Variants in GAS7 observed in about 807,000 individuals in gnomAD.
GAS7 encodes growth arrest specific 7.
Under a neutral mutation model 71.1 loss-of-function variants are expected in GAS7, and 28 were observed. That is an observed-to-expected ratio of 0.39 (90% CI 0.29 to 0.54). The LOEUF (loss-of-function observed/expected upper bound fraction) is 0.54. Ranked by LOEUF, GAS7 falls within the 20% of genes least tolerant of loss-of-function variation. GAS7 has a pLI of 0.62. For synonymous variants in GAS7, 258 were observed against 245.8 expected (o/e 1.05, Z -0.46); for missense variants, 436 against 627.8 (o/e 0.69, Z 3.27).
At chr17:10,082,816 G>A (rs76621756) in intron 1 of GAS7, among the ~76,000 whole-genome samples, 1,836 of 152,252 alleles carry the variant, frequency 0.012, 17 homozygotes, top group South Asian at 0.017. Context: ...CAATAAAAAG[G>A]GGTGAACCAT....
Position 9,981,838 on chromosome 17 carries a change from G to A in GAS7, c.351C>T (p.Ser117=). The A allele has an allele frequency of 1.2e-6, 2 of 1,605,522 alleles. No homozygotes were observed. The highest frequency in any genetic ancestry group is 1.7e-6 in the Non-Finnish European group (2 of 1,172,066). Residue 117 remains serine (S), a synonymous_variant, in exon 3 of 14, where the codon AGC becomes AGT. Transcript: ENST00000432992. This position sits in a 1 kb window ranked among gnomAD's most constrained non-coding sequence, Gnocchi z 4.4. ...GCAGAGAGCTCCTGTGAGAGCCAGG[G>A]CTGGCTGGAATCCCAGGAGAACTGC... ...RPSSSPGIPA[S]PGSHRSSLPP...
At chr17:10,072,220 C>T (rs2073347415) in intron 1 of GAS7, among the ~76,000 whole-genome samples, 1 of 152,124 alleles carries the variant, frequency 6.6e-6, no homozygotes, top group African/African-American at 2.4e-5. Flanking sequence ...CTCTACCTGC[C>T]TCACTCAGCG....
chr17:10,146,489 C>T (rs2074121966), intron 1 of GAS7, among the ~76,000 whole-genome samples: 1 of 152,182 alleles, frequency 6.6e-6, no homozygotes, highest in South Asian at 2.1e-4. Flanking sequence ...CCAGCAGCAC[C>T]AGAATCACCT....
rs187132850 is a variant in GAS7, at chr17:9,942,822, T to C, written c.731+299A>G. 4.3e-4 allele frequency among the ~76,000 whole-genome samples: 65 copies of C among 152,310 alleles called. 1 individual carries two copies. The East Asian group carries it at 0.012, about 28-fold the overall frequency. On this transcript the variant is annotated intron_variant, in intron 7 of 13. Coordinates refer to ENST00000432992, the MANE Select transcript of GAS7 (RefSeq NM_201433.2). Reference sequence around the variant, plus strand: ...CTCCAGCCAAGTGTCGCGTGAGGGATGTGGAGGCAATCCTGCCAATGCTTC... The same window carrying C: ...CTCCAGCCAAGTGTCGCGTGAGGGACGTGGAGGCAATCCTGCCAATGCTTC...
intron 1 of GAS7, among the ~76,000 whole-genome samples, chr17:10,183,615 G>A (rs886897881): frequency 1.6e-4 from 24 of 152,150 alleles, no homozygotes; most frequent in African/African-American, 4.8e-4. Context: ...CGACACGGGC[G>A]GATCACGAGG....
rs546523370 is a variant in GAS7, at chr17:9,943,517, C to T, written c.616-281G>A. ...ACTGAGAGGAAGAAGGGCAAGTGTC[C>T]AAGAGCACCGGCTGTGATGCCTAAC... On this transcript the variant is annotated intron_variant, in intron 6 of 13. Coordinates refer to ENST00000432992, the MANE Select transcript of GAS7 (RefSeq NM_201433.2). Among the ~76,000 whole-genome samples the T allele has an allele frequency of 2.0e-5, 3 of 152,282 alleles. No individual in the cohort carries two copies. In the South Asian group the frequency reaches 6.2e-4, roughly 32 times the overall value.
intron 5 of GAS7, among the ~76,000 whole-genome samples, chr17:9,957,520 T>C (rs750109517): frequency 6.6e-6 from 1 of 152,230 alleles, no homozygotes; most frequent in Non-Finnish European, 1.5e-5. Context: ...CACTCTGCTT[T>C]TCACTTTGCA....
intron 2 of GAS7, among the ~76,000 whole-genome samples, chr17:10,019,067 C>T (rs1454894632): frequency 2.0e-5 from 3 of 152,170 alleles, no homozygotes; most frequent in Non-Finnish European, 2.9e-5. Flanking sequence ...GTTACAGAAC[C>T]TGCCACGTGG....
chr17:10,006,408 C>T (rs989177849), intron 2 of GAS7, among the ~76,000 whole-genome samples: 1 of 142,634 alleles, frequency 7.0e-6, no homozygotes, highest in Non-Finnish European at 1.5e-5. Flanking sequence ...CGGCTCACTG[C>T]AAGCTCCACC....
At chr17:10,032,119 A>AAG (rs1263598629) in intron 1 of GAS7, among the ~76,000 whole-genome samples, 85 of 151,856 alleles carry the variant, frequency 5.6e-4, no homozygotes, top group Non-Finnish European at 1.8e-4. Context: ...CAGAAAAAAA[A>AAG]AAAAAAAAAA....
rs1164151104 is a variant in GAS7, at chr17:10,167,044, C to CTTTTTTTTTTTTTTTTTT, written c.183+31146_183+31163dup. On this transcript the variant is annotated intron_variant, in intron 1 of 13. Transcript: ENST00000432992. Reference sequence around the variant, plus strand: ...AAACCAATCTACTATTTCCATTTGTCTTTTTTTTTTTTTTTTTTTTTTTTT... The same window carrying CTTTTTTTTTTTTTTTTTT: ...AAACCAATCTACTATTTCCATTTGTCTTTTTTTTTTTTTTTTTTTTTTTTTTTTTTTTTTTTTTTTTTT... Among the ~76,000 whole-genome samples, 453 of 58,810 alleles carry CTTTTTTTTTTTTTTTTTT rather than the reference C, an allele frequency of 7.7e-3. 69 individuals carry two copies. The highest frequency in any genetic ancestry group is 0.026 in the Middle Eastern group (2 of 78). The allele number at this position is 58,810 out of a possible 152,430, so 38.6% of individuals were successfully genotyped here. A position where few individuals can be genotyped will look rare whatever the true frequency, so the allele number is the denominator to read the frequency against.
intron 1 of GAS7, among the ~76,000 whole-genome samples, chr17:10,108,813 A>G (rs1218976683): frequency 6.6e-6 from 1 of 152,218 alleles, no homozygotes; most frequent in African/African-American, 2.4e-5. Context: ...CCTATCTCTC[A>G]CCATATACAA....
chr17:10,006,142 C>G (rs57584427), intron 2 of GAS7, among the ~76,000 whole-genome samples: 22,127 of 151,792 alleles, frequency 0.15, 2,031 homozygotes, highest in African/African-American at 0.26. Flanking sequence ...GTCTAAAGAT[C>G]TCCATAGAAG....
intron 2 of GAS7, among the ~76,000 whole-genome samples, chr17:10,018,310 C>T (rs1407085739): frequency 6.6e-6 from 1 of 152,142 alleles, no homozygotes; most frequent in Non-Finnish European, 1.5e-5. Context: ...CCCCCCATGC[C>T]CCTTTGCAAT....
chr17:10,190,233 G>A (rs1597845154), intron 1 of GAS7, among the ~76,000 whole-genome samples: 1 of 152,142 alleles, frequency 6.6e-6, no homozygotes, highest in East Asian at 1.9e-4. Context: ...AGCCTAAAAT[G>A]TTTCCTGGCC....
intron 1 of GAS7, among the ~76,000 whole-genome samples, chr17:10,072,567 C>A (rs2073351777): frequency 6.6e-6 from 1 of 152,216 alleles, no homozygotes; most frequent in African/African-American, 2.4e-5. Context: ...TGCTGTCTAA[C>A]AGATGCTTCT....
At chr17:10,192,435 T>G (rs537589400) in intron 1 of GAS7, among the ~76,000 whole-genome samples, 27 of 152,340 alleles carry the variant, frequency 1.8e-4, no homozygotes, top group African/African-American at 6.0e-4. Context: ...AAAAACATTT[T>G]CTTTCACCAG....
chr17:9,979,652 C>T (rs929961418), intron 3 of GAS7, among the ~76,000 whole-genome samples: 1 of 152,142 alleles, frequency 6.6e-6, no homozygotes, highest in Non-Finnish European at 1.5e-5. Flanking sequence ...CAAGTCTCGA[C>T]CAGCCTCACC....
intron 7 of GAS7, among the ~76,000 whole-genome samples, chr17:9,940,913 C>T (rs186669479): frequency 1.3e-5 from 2 of 152,362 alleles, no homozygotes; most frequent in Admixed American, 1.3e-4. Flanking sequence ...AAGTGGTCCT[C>T]TGGGCCACAG....
Sources: gnomAD v4.1 joint callset for allele counts (sites outside exome capture counted in the v4.1 genomes callset) on GRCh38, gnomAD v4.1.1 for gene constraint, Gnocchi (gnomAD v3.1) non-coding constraint, MANE v1.5 for transcripts, NCBI Gene and HGNC (gene_info 2026-07-23, HGNC 2026-07-21) for gene names.